PRDM6: variants seen among roughly 807,000 people sequenced by gnomAD.
PRDM6 encodes putative histone-lysine N-methyltransferase PRDM6.
A neutral mutation model predicts 60.8 loss-of-function variants in PRDM6; 25 were observed. That is an observed-to-expected ratio of 0.41 (90% CI 0.30 to 0.57). The LOEUF is 0.57. PRDM6 is among the 20% of genes least tolerant of loss of function. The pLI is 0.27. For synonymous variants in PRDM6, 407 were observed against 357.4 expected, an observed-to-expected ratio of 1.14 and a Z score of -1.57; for missense variants, 839 against 821.3, an observed-to-expected ratio of 1.02 and a Z score of -0.26.
At position 123,185,873 on chromosome 5, in the gene PRDM6, C is replaced by T. The variant is rs1766276799; in HGVS notation, c.1674-1214C>T. Among the ~76,000 whole-genome samples, 4 of 152,174 alleles carry T rather than the reference C, an allele frequency of 2.6e-5. No homozygotes were observed. The South Asian group carries it at 8.3e-4, about 32-fold the overall frequency. ...GCCTAACAGATAACAGGGCTTGTGG[C>T]TTTCTTGTCTGTGATAAGGCAGGGA... is the stretch of plus-strand genomic sequence containing the variant. On this transcript the variant is annotated intron_variant, in intron 7 of 7. Coordinates refer to ENST00000407847, the MANE Select transcript of PRDM6 (RefSeq NM_001136239.4).
At chr5:123,161,852 C>G (rs60817479) in intron 5 of PRDM6, among the ~76,000 whole-genome samples, 10,516 of 152,174 alleles carry the variant, frequency 0.069, 382 homozygotes, top group Non-Finnish European at 0.074. Context: ...GGAATAATCC[C>G]TGAGTGGAGA....
intron 3 of PRDM6, among the ~76,000 whole-genome samples, chr5:123,144,187 C>T (rs1765184649): frequency 6.6e-6 from 1 of 152,196 alleles, no homozygotes; most frequent in South Asian, 2.1e-4. Flanking sequence ...TCTCACCCTC[C>T]TCAGGGAGCC....
chr5:123,172,920 A>G (rs2126885483), intron 6 of PRDM6, among the ~76,000 whole-genome samples: 1 of 152,308 alleles, frequency 6.6e-6, no homozygotes, highest in African/African-American at 2.4e-5. Context: ...GGCCGGGCGC[A>G]GTGGCTCACG....
intron 3 of PRDM6, among the ~76,000 whole-genome samples, chr5:123,120,804 G>T (rs1764562741): frequency 6.6e-6 from 1 of 152,100 alleles, no homozygotes; most frequent in Non-Finnish European, 1.5e-5. Context: ...TAAACCCTTA[G>T]CATCTAGGTT....
At chr5:123,141,058 A>G (rs919700913) in intron 3 of PRDM6, among the ~76,000 whole-genome samples, 1 of 152,064 alleles carries the variant, frequency 6.6e-6, no homozygotes, top group Non-Finnish European at 1.5e-5. Flanking sequence ...AGTATAAGCC[A>G]TGTGCAATTT....
intron 5 of PRDM6, among the ~76,000 whole-genome samples, chr5:123,164,482 AT>A (rs1765711096): frequency 6.6e-6 from 1 of 152,212 alleles, no homozygotes; most frequent in Admixed American, 6.5e-5. Flanking sequence ...ATGAGGCTTG[AT>A]TTTGTACTAC....
intron 3 of PRDM6, among the ~76,000 whole-genome samples, chr5:123,108,520 A>C (rs1764242674): frequency 6.6e-6 from 1 of 152,184 alleles, no homozygotes; most frequent in Non-Finnish European, 1.5e-5. Flanking sequence ...ATTAAAATTT[A>C]TTTATGATAT....
chr5:123,176,273 AAAAAAAAAAAC>A (rs1287599379), intron 6 of PRDM6, among the ~76,000 whole-genome samples: 7 of 151,144 alleles, frequency 4.6e-5, no homozygotes, highest in South Asian at 2.1e-4. Context: ...CAAATGGTAA[AAAAAAAAAAAC>A]AAAAAAAAAA....
At chr5:123,140,482 A>G (rs777443250) in intron 3 of PRDM6, among the ~76,000 whole-genome samples, 5 of 152,186 alleles carry the variant, frequency 3.3e-5, no homozygotes, top group Non-Finnish European at 5.9e-5. Flanking sequence ...AAAAATGTAC[A>G]AACTAGCCAA....
At chr5:123,114,095 G>A (rs1250321114) in intron 3 of PRDM6, among the ~76,000 whole-genome samples, 1 of 152,098 alleles carries the variant, frequency 6.6e-6, no homozygotes, top group East Asian at 1.9e-4. Flanking sequence ...GTGACTTCCC[G>A]CCAGAAAGAT....
chr5:123,138,222 TATG>T (rs1403211509), intron 3 of PRDM6, among the ~76,000 whole-genome samples: 2 of 152,196 alleles, frequency 1.3e-5, no homozygotes, highest in African/African-American at 4.8e-5. Context: ...TAATATGACT[TATG>T]ATACCAAAAC....
At chr5:123,142,756 C>T (rs1765134805) in intron 3 of PRDM6, among the ~76,000 whole-genome samples, 1 of 151,386 alleles carries the variant, frequency 6.6e-6, no homozygotes, top group East Asian at 1.9e-4. Flanking sequence ...ATAAACCAAC[C>T]AAAGGATTCT....
intron 5 of PRDM6, among the ~76,000 whole-genome samples, chr5:123,162,861 C>T (rs1194755424): frequency 2.6e-5 from 4 of 152,186 alleles, no homozygotes; most frequent in Admixed American, 2.0e-4. Context: ...ACTGGGAGAC[C>T]TGGAAACACC....
At chr5:123,096,496 T>G (rs895654592) in intron 2 of PRDM6, among the ~76,000 whole-genome samples, 1 of 152,318 alleles carries the variant, frequency 6.6e-6, no homozygotes, top group Admixed American at 6.5e-5. Context: ...ATGTTTCAGC[T>G]GGGGGATTTT....
intron 3 of PRDM6, among the ~76,000 whole-genome samples, chr5:123,122,386 T>C (rs1020153131): frequency 2.8e-4 from 43 of 152,144 alleles, no homozygotes; most frequent in Admixed American, 2.4e-3. Flanking sequence ...ATAATTACCA[T>C]CTAGTTCCCT....
chr5:123,118,020 G>A (rs999803581), intron 3 of PRDM6, among the ~76,000 whole-genome samples: 3 of 152,228 alleles, frequency 2.0e-5, no homozygotes, highest in African/African-American at 7.2e-5. Context: ...GGAGCTTACA[G>A]TCTGTGAGGG....
In PRDM6 at chr5:123,170,915, A is replaced by C. The variant is rs1186453735; in HGVS notation, c.1303A>C (p.Lys435Gln). The change falls in exon 6 of 8, where the codon AAG becomes CAG. Residue 435 changes from lysine to glutamine, a missense_variant. Physicochemically the swap from Lys to Gln is moderately conservative, Grantham distance 53. Transcript: ENST00000407847. The stretch of plus-strand genomic sequence containing the variant: ...CAGCAGGAACTTCTCTCTTCTGGAT[A>C]AGTCTGGGCCCATTGAATCAGGATT... ...PCSRNFSLLD[K>Q]SGPIESGFNQ... is the part of the protein sequence containing the mutation. 2.2e-5 allele frequency: 34 copies of C among 1,551,982 alleles called. No individual in the cohort carries two copies. Among genetic ancestry groups the C allele is most frequent in the Non-Finnish European group, 3.0e-5 (34 of 1,147,086 alleles).
In PRDM6 at chr5:123,193,073, T is replaced by A. The variant is rs756404678; in HGVS notation, c.*5872T>A. ...CATGAACTGGCTTTATTACAACTCTTTACCGTGGTTTATTGAAACCACAAT... is the reference window on the plus strand; with the variant it reads ...CATGAACTGGCTTTATTACAACTCTATACCGTGGTTTATTGAAACCACAAT... On this transcript the variant is annotated 3_prime_UTR_variant, in exon 8 of 8. Transcript: ENST00000407847. The A allele has an allele frequency of 5.9e-5, 9 of 151,880 alleles. No individual in the cohort carries two copies. Among genetic ancestry groups the A allele is most frequent in the Non-Finnish European group, 1.3e-4 (9 of 68,052 alleles). 9.4% of individuals were successfully genotyped at this position (151,880 alleles called of 1,614,324 possible). A position where few individuals can be genotyped will look rare whatever the true frequency, so the allele number is the denominator to read the frequency against.
chr5:123,089,953 C>T (rs1763768920), intron 1 of PRDM6, 47 bp from the exon 2 acceptor site: 6 of 1,422,434 alleles, frequency 4.2e-6, no homozygotes, highest in Non-Finnish European at 9.6e-7. Flanking sequence ...TTCCCGGCCC[C>T]TTTCGCCCAG....
Sources: gnomAD v4.1 joint callset for allele counts (sites outside exome capture counted in the v4.1 genomes callset) on GRCh38, gnomAD v4.1.1 for gene constraint, MANE v1.5 for transcripts, NCBI Gene and HGNC (gene_info 2026-07-23, HGNC 2026-07-21) for gene names.